The following SLC44A5 variants were observed in gnomAD, a reference collection of about 807,000 sequenced individuals.
The protein encoded by SLC44A5 is solute carrier family 44 member 5.
SLC44A5 carries 57 observed loss-of-function variants against 101.8 expected under a neutral mutation model. The ratio of observed to expected loss-of-function variants is 0.56; its 90% CI spans 0.45 to 0.70. The LOEUF (loss-of-function observed/expected upper bound fraction) is 0.70. Among genes scored for constraint, SLC44A5 ranks in the 30% least tolerant of loss-of-function variants. SLC44A5 has a pLI of 0.00. For synonymous variants in SLC44A5, 281 were observed against 290.9 expected, an observed-to-expected ratio of 0.97 and a Z score of 0.35; for missense variants, 737 against 853.1, an observed-to-expected ratio of 0.86 and a Z score of 1.70.
chr1:75,298,562 C>T (rs993627985), intron 5 of SLC44A5, among the ~76,000 whole-genome samples: 3 of 151,928 alleles, frequency 2.0e-5, no homozygotes, highest in Non-Finnish European at 2.9e-5. Flanking sequence ...AGTGGGTTTT[C>T]CCACTCTATA....
the SLC44A5 span, among the ~76,000 whole-genome samples, chr1:75,643,996 C>A: frequency 6.6e-6 from 1 of 152,192 alleles, no homozygotes; most frequent in African/African-American, 2.4e-5. Flanking sequence ...GGCTAAAACA[C>A]TTGTCTATGA....
chr1:75,523,758 T>C (rs1252981336), intron 2 of SLC44A5, among the ~76,000 whole-genome samples: 10 of 152,202 alleles, frequency 6.6e-5, no homozygotes, highest in Admixed American at 5.9e-4. Context: ...CAGGGGACAT[T>C]TGACAATATC....
the SLC44A5 span, among the ~76,000 whole-genome samples, chr1:75,684,681 G>T: frequency 2.0e-5 from 3 of 152,178 alleles, no homozygotes; most frequent in Non-Finnish European, 4.4e-5. Context: ...ATAAGAGGTG[G>T]GTTCCCATGG....
At chr1:75,494,584 T>C (rs1253186128) in intron 2 of SLC44A5, among the ~76,000 whole-genome samples, 1 of 152,092 alleles carries the variant, frequency 6.6e-6, no homozygotes, top group Non-Finnish European at 1.5e-5. Context: ...CTCCAACTTC[T>C]CCCTAGGAGT....
At chr1:75,491,731 G>GCACA (rs35416517) in intron 2 of SLC44A5, among the ~76,000 whole-genome samples, 77 of 148,022 alleles carry the variant, frequency 5.2e-4, no homozygotes, top group Middle Eastern at 3.5e-3. Flanking sequence ...ACGCACGCAC[G>GCACA]CACACACACA....
intron 14 of SLC44A5, among the ~76,000 whole-genome samples, 169 bp downstream of exon 14, chr1:75,222,192 G>A (rs1281184382): frequency 1.3e-5 from 2 of 152,064 alleles, no homozygotes; most frequent in Non-Finnish European, 2.9e-5. Flanking sequence ...CCGACCTCAG[G>A]TGACCAGCCT....
At chr1:75,657,571 G>T in the SLC44A5 span, among the ~76,000 whole-genome samples, 1 of 151,476 alleles carries the variant, frequency 6.6e-6, no homozygotes, top group African/African-American at 2.4e-5. Flanking sequence ...AAAGTGATGG[G>T]TTTAAAAGGA....
intron 4 of SLC44A5, among the ~76,000 whole-genome samples, chr1:75,317,966 G>A (rs1001567198): frequency 1.3e-5 from 2 of 152,130 alleles, no homozygotes; most frequent in African/African-American, 4.8e-5. Context: ...ATTACACCAG[G>A]TAAGTAGCAT....
At chr1:75,586,607 A>T (rs1674016102) in intron 1 of SLC44A5, among the ~76,000 whole-genome samples, 1 of 151,930 alleles carries the variant, frequency 6.6e-6, no homozygotes, top group Admixed American at 6.6e-5. Context: ...ACAAGGCCTT[A>T]ACTGACACCT....
At chr1:75,428,173 G>A (rs1664419152) in intron 2 of SLC44A5, among the ~76,000 whole-genome samples, 1 of 152,150 alleles carries the variant, frequency 6.6e-6, no homozygotes, top group Non-Finnish European at 1.5e-5. Flanking sequence ...TTAAGCAACT[G>A]ACATTTTGGG....
chr1:75,678,861 T>A, the SLC44A5 span, among the ~76,000 whole-genome samples: 1 of 152,168 alleles, frequency 6.6e-6, no homozygotes, highest in Non-Finnish European at 1.5e-5. Flanking sequence ...TTGAAAACTT[T>A]GAAAAAAATT....
At chr1:75,290,646 C>CA (rs1653464627) in intron 5 of SLC44A5, among the ~76,000 whole-genome samples, 1 of 152,076 alleles carries the variant, frequency 6.6e-6, no homozygotes, top group South Asian at 2.1e-4. Context: ...TCCAATCTCA[C>CA]AAAATTGGAA....
rs779742529 is a variant in SLC44A5, at chr1:75,255,197, C to T, written c.261-3903G>A. On this transcript the variant is annotated intron_variant, in intron 6 of 23. Transcript: ENST00000370859. ...CACCCAAACCACCCAGTCCTTTTTT[C>T]TTTAGTAATAGATAATTATGTAGCA... Among the ~76,000 whole-genome samples, 3 of 151,940 alleles carry T rather than the reference C, an allele frequency of 2.0e-5. No homozygotes were observed. The East Asian group carries it at 5.8e-4, about 29-fold the overall frequency.
At chr1:75,302,104 G>GTTT (rs1204998592) in intron 4 of SLC44A5, among the ~76,000 whole-genome samples, 973 of 49,328 alleles carry the variant, frequency 0.02, 61 homozygotes, top group East Asian at 0.041. Context: ...AGGTGCTCTA[G>GTTT]TTTTTTTGTT....
At chr1:75,341,460 C>T (rs80282204) in intron 3 of SLC44A5, among the ~76,000 whole-genome samples, 28 of 145,936 alleles carry the variant, frequency 1.9e-4, no homozygotes, top group South Asian at 4.3e-4. Context: ...CCAGCTTGGG[C>T]GAGAGAGCAA....
intron 2 of SLC44A5, among the ~76,000 whole-genome samples, chr1:75,504,833 C>T (rs1304480603): frequency 1.3e-5 from 2 of 151,996 alleles, no homozygotes; most frequent in Non-Finnish European, 2.9e-5. Flanking sequence ...ATAATTATTT[C>T]CCTTTTTTAT....
chr1:75,375,456 G>T (rs1660515603), intron 3 of SLC44A5, among the ~76,000 whole-genome samples: 1 of 152,194 alleles, frequency 6.6e-6, no homozygotes, highest in South Asian at 2.1e-4. Flanking sequence ...TGCGAAAGAA[G>T]TTGACATGTA....
intron 4 of SLC44A5, among the ~76,000 whole-genome samples, chr1:75,319,612 A>G (rs1024594240): frequency 1.3e-5 from 2 of 152,232 alleles, no homozygotes; most frequent in African/African-American, 4.8e-5. Flanking sequence ...TGTAAACCCC[A>G]CAAGAGGCAA....
rs28853979 is a variant in SLC44A5, at chr1:75,506,320, C to G, written c.13+35115G>C. ...GCTTTGTTCTTTTTGCTTAGGATTACTTTGGCTATTCAGGTTCCTTTTTGG... is the reference window on the plus strand; with the variant it reads ...GCTTTGTTCTTTTTGCTTAGGATTAGTTTGGCTATTCAGGTTCCTTTTTGG... On this transcript the variant is annotated intron_variant, in intron 2 of 23. Transcript: ENST00000370859. Among the ~76,000 whole-genome samples the G allele has an allele frequency of 9.5e-3, 1,448 of 152,128 alleles. 26 individuals are homozygous for G. Among genetic ancestry groups the G allele is most frequent in the African/African-American group, 0.033 (1,363 of 41,498 alleles).
Sources: allele counts gnomAD v4.1 joint callset (sites outside exome capture counted in the v4.1 genomes callset), GRCh38; gene constraint gnomAD v4.1.1; transcripts MANE v1.5; gene names NCBI Gene and HGNC (gene_info 2026-07-23, HGNC 2026-07-21).